GALNT13: variants seen among roughly 807,000 people sequenced by gnomAD.
GALNT13 encodes polypeptide N-acetylgalactosaminyltransferase 13, also known as UDP-GalNAc:polypeptide N-acetylgalactosaminyltransferase 13.
Under a neutral mutation model 64.2 loss-of-function variants are expected in GALNT13, and 28 were observed. The observed-to-expected ratio is 0.44, with a 90% confidence interval of 0.32 to 0.60. The LOEUF (loss-of-function observed/expected upper bound fraction) is 0.60, where lower values mean the gene tolerates loss of function less well. GALNT13 is among the 20% of genes least tolerant of loss of function. GALNT13 has a pLI of 0.05. For missense variants in GALNT13, 577 were observed against 669.8 expected, an observed-to-expected ratio of 0.86 and a Z score of 1.53; for synonymous variants, 214 against 224.6, an observed-to-expected ratio of 0.95 and a Z score of 0.42.
At chr2:153,144,035 C>A in the GALNT13 span, among the ~76,000 whole-genome samples, 1 of 151,986 alleles carries the variant, frequency 6.6e-6, no homozygotes, top group Non-Finnish European at 1.5e-5. Context: ...GTCCACTGTC[C>A]TTTGCCACCT....
chr2:153,393,069 T>C, the GALNT13 span, among the ~76,000 whole-genome samples: 76,567 of 151,782 alleles, frequency 0.5, 19,897 homozygotes, highest in Middle Eastern at 0.61. Context: ...GTTTATAAAC[T>C]ACCCAGTCTA....
At chr2:153,164,903 G>C in the GALNT13 span, among the ~76,000 whole-genome samples, 1 of 152,100 alleles carries the variant, frequency 6.6e-6, no homozygotes, top group African/African-American at 2.4e-5. Context: ...TTTCTACTCT[G>C]ATTATCATAA....
chr2:154,244,058 A>G (rs952971578), intron 6 of GALNT13, among the ~76,000 whole-genome samples: 4 of 152,084 alleles, frequency 2.6e-5, no homozygotes, highest in African/African-American at 9.7e-5. Context: ...AGTAAAATGA[A>G]CTTAAAAATG....
At chr2:153,703,744 C>T in the GALNT13 span, among the ~76,000 whole-genome samples, 14 of 152,110 alleles carry the variant, frequency 9.2e-5, no homozygotes, top group Admixed American at 8.5e-4. Context: ...TTTCAGCCTG[C>T]ATTTCCTTTT....
chr2:154,417,041 G>C (rs905602231), intron 11 of GALNT13, among the ~76,000 whole-genome samples: 1 of 151,686 alleles, frequency 6.6e-6, no homozygotes, highest in Non-Finnish European at 1.5e-5. Flanking sequence ...CTACAAACTG[G>C]ACCTAAGCCC....
chr2:153,555,521 A>G, the GALNT13 span, among the ~76,000 whole-genome samples: 39 of 152,210 alleles, frequency 2.6e-4, no homozygotes, highest in Non-Finnish European at 3.2e-4. Flanking sequence ...AATAAAAATA[A>G]AAATAGTTAT....
the GALNT13 span, among the ~76,000 whole-genome samples, chr2:153,434,515 C>T: frequency 2.0e-5 from 3 of 152,128 alleles, no homozygotes; most frequent in Non-Finnish European, 4.4e-5. Context: ...TTTTAATGAT[C>T]ACCATTCTAA....
At chr2:154,153,429 G>C (rs1684188479) in intron 4 of GALNT13, among the ~76,000 whole-genome samples, 1 of 152,196 alleles carries the variant, frequency 6.6e-6, no homozygotes, top group Admixed American at 6.5e-5. Flanking sequence ...ATCTCTAGCT[G>C]CATGCTGAGA....
chr2:154,171,322 G>A (rs550065316), intron 4 of GALNT13, among the ~76,000 whole-genome samples: 4 of 152,136 alleles, frequency 2.6e-5, no homozygotes, highest in Admixed American at 6.6e-5. Context: ...TCTCAATTCC[G>A]CTTGCCTTCT....
At chr2:153,988,032 G>A (rs917180742) in intron 3 of GALNT13, among the ~76,000 whole-genome samples, 1 of 148,900 alleles carries the variant, frequency 6.7e-6, no homozygotes, top group African/African-American at 2.5e-5. Flanking sequence ...ACAAATAATT[G>A]TATACATTTG....
the GALNT13 span, among the ~76,000 whole-genome samples, chr2:153,835,248 T>C: frequency 6.6e-6 from 1 of 152,052 alleles, no homozygotes; most frequent in East Asian, 1.9e-4. Context: ...CTGGTTGTTT[T>C]AGGTAGTGAG....
At chr2:154,008,181 T>C (rs941366691) in intron 3 of GALNT13, among the ~76,000 whole-genome samples, 3 of 152,170 alleles carry the variant, frequency 2.0e-5, no homozygotes, top group Non-Finnish European at 2.9e-5. Context: ...TGGGCATCCT[T>C]TTCTGGCTCT....
chr2:154,008,370 G>A (rs1199714615), intron 3 of GALNT13, among the ~76,000 whole-genome samples: 5 of 151,864 alleles, frequency 3.3e-5, no homozygotes, highest in South Asian at 4.2e-4. Context: ...TCTGACCTTC[G>A]TATATTACCA....
intron 3 of GALNT13, among the ~76,000 whole-genome samples, chr2:153,967,899 C>T (rs760742792): frequency 8.5e-5 from 13 of 152,104 alleles, no homozygotes; most frequent in Non-Finnish European, 1.5e-4. Flanking sequence ...GAGCAAAGGT[C>T]GGGAATTAGG....
At chr2:153,132,590 A>G in the GALNT13 span, among the ~76,000 whole-genome samples, 7,043 of 152,292 alleles carry the variant, frequency 0.046, 271 homozygotes, top group East Asian at 0.19. Context: ...TGTCTACTTC[A>G]CAATTCTGCT....
At chr2:153,333,419 G>A in the GALNT13 span, among the ~76,000 whole-genome samples, 3 of 152,094 alleles carry the variant, frequency 2.0e-5, no homozygotes, top group African/African-American at 7.2e-5. Flanking sequence ...CCGTTTGCTG[G>A]CATTCTCATT....
Position 154,094,199 on chromosome 2 carries a change from A to G in GALNT13, c.143-46138A>G, listed in dbSNP as rs78762936. 0.014 allele frequency among the ~76,000 whole-genome samples: 2,087 copies of G among 152,080 alleles called. 107 individuals carry two copies. In the East Asian group the frequency reaches 0.18, roughly 13 times the overall value. On this transcript the variant is annotated intron_variant, in intron 3 of 12. Coordinates refer to ENST00000392825, the MANE Select transcript of GALNT13 (RefSeq NM_052917.4). Reference sequence around the variant, plus strand: ...ATTAAAGCCAACTGGACAAGGTCCTATGAAACTAGGCCACTAGGCAGTTTC... The same window carrying G: ...ATTAAAGCCAACTGGACAAGGTCCTGTGAAACTAGGCCACTAGGCAGTTTC...
At chr2:153,986,549 T>C (rs993769648) in intron 3 of GALNT13, among the ~76,000 whole-genome samples, 1 of 151,944 alleles carries the variant, frequency 6.6e-6, no homozygotes, top group African/African-American at 2.4e-5. Flanking sequence ...GACTTCACAA[T>C]TGTAAAGTTG....
intron 12 of GALNT13, among the ~76,000 whole-genome samples, chr2:154,442,182 A>G (rs1574317472): frequency 6.6e-6 from 1 of 152,152 alleles, no homozygotes; most frequent in Non-Finnish European, 1.5e-5. Flanking sequence ...AAGGTGTTCT[A>G]CAATAAATAT....
Sources: allele counts gnomAD v4.1 joint callset (sites outside exome capture counted in the v4.1 genomes callset), GRCh38; gene constraint gnomAD v4.1.1; transcripts MANE v1.5; gene names NCBI Gene and HGNC (gene_info 2026-07-23, HGNC 2026-07-21).